The following CAMSAP2 variants were observed in gnomAD, a reference collection of about 807,000 sequenced individuals.
The protein encoded by CAMSAP2 is calmodulin-regulated spectrin-associated protein 2.
Under a neutral mutation model 146.1 loss-of-function variants are expected in CAMSAP2, and 26 were observed. The ratio of observed to expected loss-of-function variants is 0.18; its 90% CI spans 0.13 to 0.25. The LOEUF (loss-of-function observed/expected upper bound fraction) is 0.25, where lower values mean the gene tolerates loss of function less well. Among genes scored for constraint, CAMSAP2 ranks in the 10% least tolerant of loss-of-function variants. The pLI is 1.00. For missense variants in CAMSAP2, 1,381 were observed against 1,759.3 expected, an observed-to-expected ratio of 0.78 and a Z score of 3.85; for synonymous variants, 499 against 596.6, an observed-to-expected ratio of 0.84 and a Z score of 2.38.
At chr1:200,840,802 A>T (rs1453026076) in intron 6 of CAMSAP2, among the ~76,000 whole-genome samples, 1 of 152,220 alleles carries the variant, frequency 6.6e-6, no homozygotes, top group East Asian at 1.9e-4. Context: ...CTTATTAAAC[A>T]TTAATAAATT....
At position 200,849,728 on chromosome 1, in the gene CAMSAP2, C is replaced by A. The variant is rs546125280; in HGVS notation, c.2959C>A (p.Pro987Thr). The change falls in exon 11 of 17, where the codon CCT becomes ACT. Residue 987 changes from proline to threonine, a missense_variant. This residue lies in a region of CAMSAP2 where 560 missense variants were observed against 715.9 expected (regional missense o/e 0.78). Transcript: ENST00000358823. The surrounding 1 kb of genome is among the most constrained non-coding windows in gnomAD (Gnocchi z 6.3). ...TAGGCCAAATGAGTTAAAAATAACACCTTTGAATCGAACCTTGACACCTCC... is the reference window on the plus strand; with the variant it reads ...TAGGCCAAATGAGTTAAAAATAACAACTTTGAATCGAACCTTGACACCTCC... ...TPRPNELKIT[P>T]LNRTLTPPRS... The A allele has an allele frequency of 7.4e-6, 12 of 1,614,186 alleles. No individual in the cohort carries two copies. In the Admixed American group the frequency reaches 1.3e-4, roughly 18 times the overall value.
chr1:200,807,577 C>T, intron 3 of CAMSAP2, 40 bp downstream of exon 3: 2 of 1,362,584 alleles, frequency 1.5e-6, no homozygotes, highest in Non-Finnish European at 1.9e-6. Flanking sequence ...ATCTCATAGC[C>T]AGAAAACGTG....
At chr1:200,814,414 C>G (rs1571785325) in intron 3 of CAMSAP2, among the ~76,000 whole-genome samples, 1 of 151,686 alleles carries the variant, frequency 6.6e-6, no homozygotes, top group Admixed American at 6.6e-5. Flanking sequence ...TGAGACCAGC[C>G]TGGTCAACAT....
intron 2 of CAMSAP2, among the ~76,000 whole-genome samples, chr1:200,763,901 C>T (rs1187964929): frequency 1.3e-5 from 2 of 152,066 alleles, no homozygotes; most frequent in Admixed American, 1.3e-4. Flanking sequence ...TGGCGAAACC[C>T]CATCTCTACT....
At chr1:200,774,866 A>T (rs1451592888) in intron 2 of CAMSAP2, among the ~76,000 whole-genome samples, 1 of 152,230 alleles carries the variant, frequency 6.6e-6, no homozygotes, top group Non-Finnish European at 1.5e-5. Context: ...GTGTAGAGTC[A>T]CATTTATTTA....
At chr1:200,783,026 A>G (rs1258239734) in intron 2 of CAMSAP2, among the ~76,000 whole-genome samples, 1 of 151,484 alleles carries the variant, frequency 6.6e-6, no homozygotes, top group African/African-American at 2.4e-5. Context: ...TCGGCCTCCC[A>G]AAGTACTGGA....
At position 200,823,525 on chromosome 1, in the gene CAMSAP2, T is replaced by C. The variant is rs140126609; in HGVS notation, c.645+7881T>C. On this transcript the variant is annotated intron_variant, in intron 4 of 16. Transcript: ENST00000358823. ...ATTTGTCAGGTGTTTTGTAGTGTTC[T>C]TCAATTTGGGTTTGTCTGATATTTC... 3.6e-3 allele frequency among the ~76,000 whole-genome samples: 543 copies of C among 152,358 alleles called. 6 individuals carry two copies. Among genetic ancestry groups the C allele is most frequent in the African/African-American group, 0.013 (524 of 41,592 alleles).
intron 2 of CAMSAP2, among the ~76,000 whole-genome samples, chr1:200,797,012 A>T (rs1324940928): frequency 6.6e-6 from 1 of 152,180 alleles, no homozygotes; most frequent in Non-Finnish European, 1.5e-5. Flanking sequence ...CATCATTTTT[A>T]TGGCTGCATA....
At chr1:200,744,716 C>T (rs943524932) in intron 1 of CAMSAP2, among the ~76,000 whole-genome samples, 2 of 152,112 alleles carry the variant, frequency 1.3e-5, no homozygotes, top group African/African-American at 4.8e-5. Context: ...GAAGGAAGAC[C>T]TCTCTAGTGG....
At position 200,849,588 on chromosome 1, in the gene CAMSAP2, G is replaced by A. The variant is rs200167069; in HGVS notation, c.2819G>A (p.Gly940Asp). 6.2e-7 allele frequency: 1 copy of A among 1,614,118 alleles called. No individual in the cohort carries two copies. The highest frequency in any genetic ancestry group is 2.2e-5 in the East Asian group (1 of 44,876). ...GATTTTAAGCCTTCTAAGCAGGCAGGCCTGTCATCAGCCATTGCACCATTC... is the reference window on the plus strand; with the variant it reads ...GATTTTAAGCCTTCTAAGCAGGCAGACCTGTCATCAGCCATTGCACCATTC... Reference protein sequence around the residue: ...IRDFKPSKQAGLSSAIAPFSS... With the variant: ...IRDFKPSKQADLSSAIAPFSS... Residue 940 changes from glycine to aspartate, a missense_variant, in exon 11 of 17, where the codon GGC becomes GAC. Physicochemically the swap from Gly to Asp is moderately conservative, Grantham distance 94. Coordinates refer to ENST00000358823, the MANE Select transcript of CAMSAP2 (RefSeq NM_203459.4). This position sits in a 1 kb window ranked among gnomAD's most constrained non-coding sequence, Gnocchi z 6.3.
Position 200,858,082 on chromosome 1 carries a change from G to A in CAMSAP2, c.*23G>A. ...TAGAAGTTGGGAAATACTTGCTTCA[G>A]AACATTCATGGTAAATTTGCACTTC... is the stretch of plus-strand genomic sequence containing the variant. On this transcript the variant is annotated 3_prime_UTR_variant, in exon 17 of 17. Coordinates refer to ENST00000358823, the MANE Select transcript of CAMSAP2 (RefSeq NM_203459.4). The A allele has an allele frequency of 3.3e-6, 5 of 1,525,050 alleles. No individual in the cohort carries two copies. Among genetic ancestry groups the A allele is most frequent in the Non-Finnish European group, 3.5e-6 (4 of 1,139,468 alleles). The allele number at this position is 1,525,050 out of a possible 1,614,324, so 94.5% of individuals were successfully genotyped here. A position where few individuals can be genotyped will look rare whatever the true frequency, so the allele number is the denominator to read the frequency against.
chr1:200,762,525 C>G (rs1363167155), intron 2 of CAMSAP2, among the ~76,000 whole-genome samples: 1 of 152,144 alleles, frequency 6.6e-6, no homozygotes, highest in Non-Finnish European at 1.5e-5. Flanking sequence ...GCTGGACACT[C>G]CAGCTTGTGA....
At chr1:200,761,188 T>G (rs946137291) in intron 2 of CAMSAP2, 90 bp downstream of exon 2, 3 of 1,229,186 alleles carry the variant, frequency 2.4e-6, no homozygotes, top group Non-Finnish European at 3.5e-6. Flanking sequence ...GGAAATGTTT[T>G]GAAATTGGAT....
In CAMSAP2 at chr1:200,848,365, G is replaced by C. The variant is rs1667517553; in HGVS notation, c.1596G>C (p.Glu532Asp). 4 of 1,613,910 alleles carry C rather than the reference G, an allele frequency of 2.5e-6. No individual in the cohort carries two copies. Among genetic ancestry groups the C allele is most frequent in the Non-Finnish European group, 3.4e-6 (4 of 1,179,936 alleles). Residue 532 changes from glutamate (E) to aspartate (D), a missense_variant, in exon 11 of 17, where the codon GAG (glutamate) becomes GAC (aspartate). Glu to Asp is a conservative substitution (Grantham distance 45). Coordinates refer to ENST00000358823, the MANE Select transcript of CAMSAP2 (RefSeq NM_203459.4). Reference sequence around the variant, plus strand: ...TACAAAATAGAATACTTCTTGACGAGTTTGGCAATCAGATCGAGACACCAA... The same window carrying C: ...TACAAAATAGAATACTTCTTGACGACTTTGGCAATCAGATCGAGACACCAA... ...GALQNRILLD[E>D]FGNQIETPSI...
chr1:200,796,805 A>C (rs936274429), intron 2 of CAMSAP2, among the ~76,000 whole-genome samples: 1 of 151,664 alleles, frequency 6.6e-6, no homozygotes, highest in Non-Finnish European at 1.5e-5. Context: ...ATATCTCCCA[A>C]TGCTATCCCT....
chr1:200,794,956 T>G (rs1558180752), intron 2 of CAMSAP2, among the ~76,000 whole-genome samples: 2 of 152,220 alleles, frequency 1.3e-5, no homozygotes. Flanking sequence ...CAGCATGAAA[T>G]GCCTTGTACT....
chr1:200,749,715 CTTTA>C (rs959717971), intron 1 of CAMSAP2, among the ~76,000 whole-genome samples: 12 of 152,194 alleles, frequency 7.9e-5, no homozygotes, highest in African/African-American at 2.9e-4. Flanking sequence ...ACTTTTTCAT[CTTTA>C]TTTATAATAG....
intron 4 of CAMSAP2, among the ~76,000 whole-genome samples, chr1:200,829,152 T>TCAAAAA (rs970088153): frequency 3.3e-5 from 5 of 152,140 alleles, no homozygotes; most frequent in African/African-American, 4.8e-5. Context: ...TGAAACCGTC[T>TCAAAAA]CAAAAACAAA....
intron 1 of CAMSAP2, among the ~76,000 whole-genome samples, chr1:200,753,004 A>G (rs1664551561): frequency 1.3e-5 from 2 of 152,040 alleles, no homozygotes; most frequent in Non-Finnish European, 2.9e-5. Context: ...TTCTGAAGAT[A>G]GAGCACCAGC....
Sources: gnomAD v4.1 joint callset for allele counts (sites outside exome capture counted in the v4.1 genomes callset) on GRCh38, gnomAD v4.1.1 for gene constraint, gnomAD v4.1.1 regional missense constraint, Gnocchi (gnomAD v3.1) non-coding constraint, MANE v1.5 for transcripts, NCBI Gene and HGNC (gene_info 2026-07-23, HGNC 2026-07-21) for gene names.